PTBP2: variants seen among roughly 807,000 people sequenced by gnomAD.
PTBP2 encodes the protein polypyrimidine tract-binding protein 2.
Under a neutral mutation model 61.4 loss-of-function variants are expected in PTBP2, and 13 were observed. The ratio of observed to expected loss-of-function variants is 0.21; its 90% CI spans 0.14 to 0.34. PTBP2 has a LOEUF of 0.34. PTBP2 is among the 10% of genes least tolerant of loss of function. The probability of loss-of-function intolerance (pLI) is 1.00; values close to 1 mark genes in which losing one functional copy is unlikely to be tolerated. For missense variants in PTBP2, 405 were observed against 642.6 expected, an observed-to-expected ratio of 0.63 and a Z score of 4.00; for synonymous variants, 215 against 218.5, an observed-to-expected ratio of 0.98 and a Z score of 0.14.
At chr1:96,731,348 T>A (rs1651384595) in intron 2 of PTBP2, among the ~76,000 whole-genome samples, 1 of 152,194 alleles carries the variant, frequency 6.6e-6, no homozygotes, top group Admixed American at 6.5e-5. Context: ...TATCAAAATT[T>A]AAGAATACTA....
intron 11 of PTBP2, among the ~76,000 whole-genome samples, chr1:96,810,206 T>C (rs1439590486): frequency 1.3e-5 from 2 of 152,208 alleles, no homozygotes; most frequent in African/African-American, 4.8e-5. Context: ...GTCATTTCAA[T>C]TGTGAAACAT....
At position 96,726,361 on chromosome 1, in the gene PTBP2, C is replaced by T. The variant is rs372034859; in HGVS notation, c.39+2767C>T. ...GATCTCGGCTTACTGCAACCTCTGC[C>T]TCCTGGGTTCAGGCAATTCTCCTGC... On this transcript the variant is annotated intron_variant, in intron 2 of 13. Coordinates refer to ENST00000674951, the MANE Select transcript of PTBP2 (RefSeq NM_021190.4). Among the ~76,000 whole-genome samples, 35 of 150,852 alleles carry T rather than the reference C, an allele frequency of 2.3e-4. No homozygotes were observed. In the East Asian group the frequency reaches 6.0e-3, roughly 26 times the overall value.
intron 1 of PTBP2, 125 bp from the exon 2 acceptor site, chr1:96,723,439 C>T: frequency 1.5e-6 from 1 of 672,300 alleles, no homozygotes; most frequent in Non-Finnish European, 2.4e-6. Flanking sequence ...TATTTTTTAT[C>T]CCCATCTGTG....
chr1:96,809,982 T>C (rs948324512), intron 11 of PTBP2, among the ~76,000 whole-genome samples: 4 of 151,938 alleles, frequency 2.6e-5, no homozygotes, highest in African/African-American at 9.7e-5. Flanking sequence ...TAGACAAACA[T>C]CTAAAGATTG....
chr1:96,803,384 T>C (rs1481921857), intron 8 of PTBP2, among the ~76,000 whole-genome samples: 1 of 149,566 alleles, frequency 6.7e-6, no homozygotes, highest in African/African-American at 2.5e-5. Context: ...CAAAACAAAA[T>C]GTATAGCCAT....
chr1:96,813,116 C>T lies in PTBP2; in HGVS notation c.1466+10C>T. 1 of 1,596,308 alleles carries T rather than the reference C, an allele frequency of 6.3e-7. No individual in the cohort carries two copies. Among genetic ancestry groups the T allele is most frequent in the Non-Finnish European group, 8.5e-7 (1 of 1,169,720 alleles). Reference sequence around the variant, plus strand: ...CATTTAAGTTTTTTCAGTAAGCAAGCTTCCTTATCTTTAAATTAGTGACCT... The same window carrying T: ...CATTTAAGTTTTTTCAGTAAGCAAGTTTCCTTATCTTTAAATTAGTGACCT... On this transcript the variant is annotated intron_variant, in intron 13 of 13. Transcript: ENST00000674951.
At chr1:96,758,339 A>T (rs2100946551) in intron 3 of PTBP2, among the ~76,000 whole-genome samples, 1 of 152,206 alleles carries the variant, frequency 6.6e-6, no homozygotes, top group East Asian at 1.9e-4. Context: ...GAATTTTATG[A>T]AATTTTAAAG....
intron 8 of PTBP2, 51 bp from the exon 9 acceptor site, chr1:96,804,749 G>T (rs1244214526): frequency 1.3e-6 from 2 of 1,546,736 alleles, no homozygotes; most frequent in African/African-American, 2.7e-5. Flanking sequence ...AACGACTTGT[G>T]TGTGTTTCGT....
chr1:96,810,143 CTCTT>C (rs1236005880), intron 11 of PTBP2, among the ~76,000 whole-genome samples: 1 of 152,048 alleles, frequency 6.6e-6, no homozygotes, highest in African/African-American at 2.4e-5. Flanking sequence ...CGTTAATAAT[CTCTT>C]TCATAGATGG....
In PTBP2 at chr1:96,813,474, A is replaced by G. The variant is rs1662264800; in HGVS notation, c.*69A>G. On this transcript the variant is annotated 3_prime_UTR_variant, in exon 14 of 14. Coordinates refer to ENST00000674951, the MANE Select transcript of PTBP2 (RefSeq NM_021190.4). The stretch of plus-strand genomic sequence containing the variant: ...TCATCACCTATTTGACTGTTCAGAA[A>G]AGTGGGGACCAGAGTTTGATTTTTT... The G allele has an allele frequency of 3.0e-6, 4 of 1,352,774 alleles. No homozygotes were observed. In the South Asian group the frequency reaches 5.7e-5, roughly 19 times the overall value. The allele number at this position is 1,352,774 out of a possible 1,614,324, so 83.8% of individuals were successfully genotyped here.
chr1:96,790,752 A>G (rs1273089246), intron 8 of PTBP2, among the ~76,000 whole-genome samples: 2 of 152,116 alleles, frequency 1.3e-5, no homozygotes, highest in African/African-American at 4.8e-5. Context: ...TGAAACTGTC[A>G]GTTGTTTGCA....
At chr1:96,739,296 T>C (rs952536201) in intron 2 of PTBP2, among the ~76,000 whole-genome samples, 5 of 152,214 alleles carry the variant, frequency 3.3e-5, no homozygotes, top group African/African-American at 7.2e-5. Context: ...TATAAATCTT[T>C]TTAATTGTAC....
intron 8 of PTBP2, among the ~76,000 whole-genome samples, chr1:96,801,470 A>G (rs969598134): frequency 2.0e-5 from 3 of 152,180 alleles, no homozygotes; most frequent in Non-Finnish European, 2.9e-5. Flanking sequence ...CGGTAATACT[A>G]AAGTGTATTT....
intron 3 of PTBP2, among the ~76,000 whole-genome samples, chr1:96,767,140 T>C (rs1656823576): frequency 6.6e-6 from 1 of 152,176 alleles, no homozygotes; most frequent in African/African-American, 2.4e-5. Flanking sequence ...CTTTGTCTTA[T>C]CCTTTGATTC....
At chr1:96,732,521 T>G (rs2100812803) in intron 2 of PTBP2, among the ~76,000 whole-genome samples, 1 of 152,346 alleles carries the variant, frequency 6.6e-6, no homozygotes, top group South Asian at 2.1e-4. Flanking sequence ...ACTTAATATT[T>G]AATAACTCTT....
intron 3 of PTBP2, among the ~76,000 whole-genome samples, chr1:96,758,912 T>A (rs975136089): frequency 6.6e-6 from 1 of 152,154 alleles, no homozygotes; most frequent in African/African-American, 2.4e-5. Flanking sequence ...CCTGAAGGAC[T>A]CTACAACAGA....
At chr1:96,727,555 C>T (rs1200380443) in intron 2 of PTBP2, among the ~76,000 whole-genome samples, 1 of 151,898 alleles carries the variant, frequency 6.6e-6, no homozygotes, top group Non-Finnish European at 1.5e-5. Context: ...CTCTTTAATG[C>T]CTGTTATCTT....
At position 96,773,123 on chromosome 1, in the gene PTBP2, C is replaced by CAAA. The variant is rs563241972; in HGVS notation, c.432+2293_432+2295dup. On this transcript the variant is annotated intron_variant, in intron 5 of 13. Coordinates refer to ENST00000674951, the MANE Select transcript of PTBP2 (RefSeq NM_021190.4). ...TGGGTGACAGAGCGAGACTCTATCTCAAAAAAAAAAAAAAAAAAAAAAAGA... is the reference window on the plus strand; with the variant it reads ...TGGGTGACAGAGCGAGACTCTATCTCAAAAAAAAAAAAAAAAAAAAAAAAAAGA... Among the ~76,000 whole-genome samples, 115 of 88,204 alleles carry CAAA rather than the reference C, an allele frequency of 1.3e-3. 1 individual carries two copies. The highest frequency in any genetic ancestry group is 3.4e-3 in the African/African-American group (72 of 20,896). 57.9% of individuals were successfully genotyped at this position (88,204 alleles called of 152,430 possible). A position where few individuals can be genotyped will look rare whatever the true frequency, so the allele number is the denominator to read the frequency against.
intron 8 of PTBP2, among the ~76,000 whole-genome samples, chr1:96,786,243 G>A (rs553958895): frequency 6.6e-6 from 1 of 152,242 alleles, no homozygotes; most frequent in African/African-American, 2.4e-5. Flanking sequence ...TATATATGTA[G>A]AGAGAGATAC....
Sources: gnomAD v4.1 joint callset for allele counts (sites outside exome capture counted in the v4.1 genomes callset) on GRCh38, gnomAD v4.1.1 for gene constraint, MANE v1.5 for transcripts, NCBI Gene and HGNC (gene_info 2026-07-23, HGNC 2026-07-21) for gene names.